ITSN1: variants seen among roughly 807,000 people sequenced by gnomAD.
ITSN1 encodes intersectin 1, also known as intersectin-1.
A neutral mutation model predicts 239.8 loss-of-function variants in ITSN1; 58 were observed. That is an observed-to-expected ratio of 0.24 (90% confidence interval 0.20 to 0.30). ITSN1 has a LOEUF of 0.30. ITSN1 is among the 10% of genes least tolerant of loss of function. The pLI is 1.00. For missense variants in ITSN1, 1,558 were observed against 2,103.3 expected, an observed-to-expected ratio of 0.74 and a Z score of 5.07; for synonymous variants, 780 against 770.8, an observed-to-expected ratio of 1.01 and a Z score of -0.20.
At position 33,734,561 on chromosome 21, in the gene ITSN1, A is replaced by G. The variant is rs141261954; in HGVS notation, c.186-483A>G. The stretch of plus-strand genomic sequence containing the variant: ...GTCATGTTCCCACATTGAGGTTTGT[A>G]GAGCTCTACAAAGAATGCAATCTAA... On this transcript the variant is annotated intron_variant, in intron 4 of 39. Transcript: ENST00000381318. 9.1e-4 allele frequency among the ~76,000 whole-genome samples: 138 copies of G among 152,334 alleles called. 2 individuals carry two copies. In the East Asian group the frequency reaches 0.019, roughly 21 times the overall value.
At chr21:33,834,266 T>C in intron 27 of ITSN1, 41 bp from the exon 28 acceptor site, 1 of 1,421,082 alleles carries the variant, frequency 7.0e-7, no homozygotes, top group Non-Finnish European at 1.0e-6. Flanking sequence ...TTATAAAAGA[T>C]GCGCCTTTAA....
At chr21:33,798,066 C>A (rs1355919225) in intron 18 of ITSN1, among the ~76,000 whole-genome samples, 15 of 152,108 alleles carry the variant, frequency 9.9e-5, no homozygotes, top group Non-Finnish European at 2.2e-4. Context: ...CATAATTTGC[C>A]TTTTCTTTAC....
intron 21 of ITSN1, among the ~76,000 whole-genome samples, chr21:33,811,622 T>C (rs1462434947): frequency 6.6e-6 from 1 of 152,224 alleles, no homozygotes; most frequent in African/African-American, 2.4e-5. Context: ...AAAAATTGAA[T>C]TCAGTCATGT....
intron 29 of ITSN1, among the ~76,000 whole-genome samples, chr21:33,847,287 G>A (rs577489330): frequency 6.6e-6 from 1 of 152,322 alleles, no homozygotes; most frequent in South Asian, 2.1e-4. Context: ...AGGCCTGGCT[G>A]CCTTGGCCTA....
intron 20 of ITSN1, among the ~76,000 whole-genome samples, chr21:33,805,932 G>T (rs8133997): frequency 6.7e-6 from 1 of 148,184 alleles, no homozygotes; most frequent in African/African-American, 2.5e-5. Flanking sequence ...GGCCGGGCGC[G>T]GTGGCTCACG....
intron 10 of ITSN1, 129 bp downstream of exon 10, chr21:33,766,141 G>A (rs762991987): frequency 2.2e-5 from 21 of 936,286 alleles, no homozygotes; most frequent in Non-Finnish European, 3.4e-5. Flanking sequence ...GAATTCTAGA[G>A]ACTCTCATCT....
intron 1 of ITSN1, among the ~76,000 whole-genome samples, chr21:33,666,673 C>T (rs1173258013): frequency 6.6e-6 from 1 of 152,198 alleles, no homozygotes; most frequent in Non-Finnish European, 1.5e-5. Flanking sequence ...TTAAGTATGT[C>T]TTTGCCTTGT....
chr21:33,748,010 CTAT>C (rs2067289824), intron 5 of ITSN1, among the ~76,000 whole-genome samples: 1 of 151,996 alleles, frequency 6.6e-6, no homozygotes, highest in African/African-American at 2.4e-5. Flanking sequence ...AATTATAACT[CTAT>C]TATTGGGCTT....
At chr21:33,759,946 T>C (rs369962895) in intron 8 of ITSN1, among the ~76,000 whole-genome samples, 6 of 151,396 alleles carry the variant, frequency 4.0e-5, no homozygotes, top group African/African-American at 1.2e-4. Context: ...CTAAAAAAAA[T>C]AGAAAAATTA....
At chr21:33,717,706 C>A (rs1294372455) in intron 1 of ITSN1, among the ~76,000 whole-genome samples, 3 of 150,274 alleles carry the variant, frequency 2.0e-5, no homozygotes, top group Non-Finnish European at 3.0e-5. Flanking sequence ...CAGGCGCCCG[C>A]CACCACGCCC....
Position 33,782,058 on chromosome 21 carries a change from A to C in ITSN1, c.1749A>C (p.Arg583=). ...EAKELARQHL[R]DQLDEVEKET... ...AAGAACTAGCTCGGCAGCACCTACG[A>C]GACCAACTGGATGAAGTGGAGAAAG... The change falls in exon 16 of 40, where the codon CGA becomes CGC. Residue 583 remains arginine (R), a synonymous_variant. Transcript: ENST00000381318. 1 of 1,613,938 alleles carries C rather than the reference A, an allele frequency of 6.2e-7. No homozygotes were observed. The highest frequency in any genetic ancestry group is 8.5e-7 in the Non-Finnish European group (1 of 1,179,806).
intron 12 of ITSN1, 31 bp downstream of exon 12, chr21:33,772,354 T>C (rs1385426674): frequency 6.5e-7 from 1 of 1,548,024 alleles, no homozygotes; most frequent in African/African-American, 1.4e-5. Flanking sequence ...CCACCCGGAG[T>C]TAGTGTGCGA....
At chr21:33,659,097 T>G (rs1379822641) in intron 1 of ITSN1, among the ~76,000 whole-genome samples, 1 of 152,144 alleles carries the variant, frequency 6.6e-6, no homozygotes, top group Non-Finnish European at 1.5e-5. Flanking sequence ...GGACTGGAAA[T>G]TGAGTTCAGT....
chr21:33,751,881 A>C lies in ITSN1; in HGVS notation c.598A>C (p.Lys200Gln). The part of the protein sequence containing the change: ...PGSQLNTKLQ[K>Q]AQSFDVASVP... ...GTCACAACTAAACACTAAATTACAA[A>C]AGGCACAGTCATTTGATGTGGCCAG... The change falls in exon 7 of 40, where the codon AAG (lysine) becomes CAG (glutamine). Residue 200 changes from lysine to glutamine, a missense_variant. By Grantham distance (53) the Lys-to-Gln change is moderately conservative. Coordinates refer to ENST00000381318, the MANE Select transcript of ITSN1 (RefSeq NM_003024.3). The C allele has an allele frequency of 6.2e-7, 1 of 1,613,520 alleles. No homozygotes were observed. Among genetic ancestry groups the C allele is most frequent in the Non-Finnish European group, 8.5e-7 (1 of 1,179,486 alleles).
At chr21:33,815,926 G>T (rs1352468603) in intron 22 of ITSN1, among the ~76,000 whole-genome samples, 1 of 152,194 alleles carries the variant, frequency 6.6e-6, no homozygotes, top group Non-Finnish European at 1.5e-5. Flanking sequence ...GGTGGCTCAT[G>T]CCTGTTATCG....
chr21:33,676,898 C>A (rs907133933), intron 1 of ITSN1, among the ~76,000 whole-genome samples: 4 of 151,630 alleles, frequency 2.6e-5, no homozygotes, highest in Non-Finnish European at 5.9e-5. Context: ...ATATGTGCCA[C>A]ATTTTCGACA....
At chr21:33,690,524 C>T (rs979676927) in intron 1 of ITSN1, among the ~76,000 whole-genome samples, 3 of 149,518 alleles carry the variant, frequency 2.0e-5, no homozygotes, top group Non-Finnish European at 3.0e-5. Flanking sequence ...GGCGTGAACC[C>T]GGGAGGCAGA....
At chr21:33,688,658 G>GA (rs751760539) in intron 1 of ITSN1, among the ~76,000 whole-genome samples, 9 of 152,064 alleles carry the variant, frequency 5.9e-5, no homozygotes, top group Non-Finnish European at 1.0e-4. Flanking sequence ...GGGAACAACA[G>GA]AAAAAATCCA....
At chr21:33,679,901 T>A (rs2090839032) in intron 1 of ITSN1, among the ~76,000 whole-genome samples, 1 of 152,032 alleles carries the variant, frequency 6.6e-6, no homozygotes, top group Non-Finnish European at 1.5e-5. Flanking sequence ...GGTTTCACCG[T>A]GTTAGCCAGG....
Sources: gnomAD v4.1 joint callset for allele counts (sites outside exome capture counted in the v4.1 genomes callset) on GRCh38, gnomAD v4.1.1 for gene constraint, MANE v1.5 for transcripts, NCBI Gene and HGNC (gene_info 2026-07-23, HGNC 2026-07-21) for gene names.